Variants in CD40 observed in about 807,000 individuals in gnomAD.
The protein encoded by CD40 is CD40 molecule, also known as tumor necrosis factor receptor superfamily member 5.
Under a neutral mutation model 38.5 loss-of-function variants are expected in CD40, and 19 were observed. The ratio of observed to expected loss-of-function variants is 0.49; its 90% CI spans 0.34 to 0.72. CD40 has a LOEUF of 0.72. CD40 is among the 30% of genes least tolerant of loss of function. The pLI, the probability that CD40 is intolerant of heterozygous loss-of-function variation, is 0.01. For missense variants in CD40, 256 were observed against 344.1 expected (o/e 0.74, Z 2.03); for synonymous variants, 130 against 128.7 (o/e 1.01, Z -0.07).
intron 6 of CD40, among the ~76,000 whole-genome samples, chr20:46,127,464 G>A (rs1264762091): frequency 6.6e-6 from 1 of 152,182 alleles, no homozygotes; most frequent in East Asian, 1.9e-4. Flanking sequence ...GGAATAGGCA[G>A]CCAGCCTGCA....
In CD40 at chr20:46,123,211, T is replaced by C; in HGVS notation, c.489T>C (p.Pro163=). ...NVSSAFEKCH[P]WTSCETKDLV... Reference sequence around the variant, plus strand: ...CATCTGCTTTCGAAAAATGTCACCCTTGGACAAGGTATAAGCACTCATCCC... The same window carrying C: ...CATCTGCTTTCGAAAAATGTCACCCCTGGACAAGGTATAAGCACTCATCCC... Residue 163 remains proline, a synonymous_variant, in exon 5 of 9, where the codon CCT becomes CCC. Coordinates refer to ENST00000372285, the MANE Select transcript of CD40 (RefSeq NM_001250.6). The C allele has an allele frequency of 6.2e-7, 1 of 1,613,278 alleles. No individual in the cohort carries two copies. Among genetic ancestry groups the C allele is most frequent in the Non-Finnish European group, 8.5e-7 (1 of 1,179,158 alleles).
chr20:46,119,112 G>A (rs2145582360), intron 1 of CD40, among the ~76,000 whole-genome samples: 2 of 152,238 alleles, frequency 1.3e-5, no homozygotes, highest in South Asian at 2.1e-4. Flanking sequence ...AGAAACCAGG[G>A]GTTTCTCCAG....
intron 6 of CD40, among the ~76,000 whole-genome samples, chr20:46,127,781 G>A (rs2085466025): frequency 6.6e-6 from 1 of 152,158 alleles, no homozygotes; most frequent in African/African-American, 2.4e-5. Flanking sequence ...GTGGCGGGGA[G>A]CATGGTGAGC....
chr20:46,122,369 T>A lies in CD40; in HGVS notation c.256+11T>A. 1.2e-6 allele frequency: 2 copies of A among 1,614,182 alleles called. No individual in the cohort carries two copies. Among genetic ancestry groups the A allele is most frequent in the Non-Finnish European group, 1.7e-6 (2 of 1,180,024 alleles). ...AATACTGCGACCCCAGTGCGTGCGC[T>A]GTTGGGAAAGGGACGCTTGGGAACC... On this transcript the variant is annotated intron_variant, in intron 3 of 8. Transcript: ENST00000372285. The surrounding 1 kb of genome is among the most constrained non-coding windows in gnomAD (Gnocchi z 5.0).
chr20:46,126,504 G>A (rs1600664063), intron 5 of CD40, 136 bp from the exon 6 acceptor site: 2 of 914,456 alleles, frequency 2.2e-6, no homozygotes, highest in East Asian at 2.6e-5. Flanking sequence ...GACGTTGCAC[G>A]TGTTGTGTGC....
rs1426267920 is a variant in CD40, at chr20:46,122,084, A to G, written c.131-149A>G. On this transcript the variant is annotated intron_variant, in intron 2 of 8. Transcript: ENST00000372285. This position sits in a 1 kb window ranked among gnomAD's most constrained non-coding sequence, Gnocchi z 5.0. ...CTGTCTACCCTGAACTAGGGATCCC[A>G]GCTTCTCCATCTTCCTCGCCTGATT... 6.2e-6 allele frequency: 7 copies of G among 1,126,308 alleles called. No homozygotes were observed. In the East Asian group the frequency reaches 1.2e-4, roughly 19 times the overall value. 69.8% of individuals were successfully genotyped at this position (1,126,308 alleles called of 1,614,324 possible).
chr20:46,121,039 T>C (rs2085307550), intron 1 of CD40, among the ~76,000 whole-genome samples: 1 of 152,212 alleles, frequency 6.6e-6, no homozygotes, highest in Non-Finnish European at 1.5e-5. Context: ...CACTCCAGCC[T>C]GGGCGATGGA....
intron 8 of CD40, chr20:46,128,669 C>T: frequency 1.5e-6 from 1 of 665,334 alleles, no homozygotes; most frequent in South Asian, 1.8e-5. Flanking sequence ...GCAAATGTGG[C>T]AGCCCCTTAA....
At chr20:46,126,828 G>T in intron 6 of CD40, 127 bp downstream of exon 6, 1 of 1,496,172 alleles carries the variant, frequency 6.7e-7, no homozygotes, top group South Asian at 1.2e-5. Context: ...TGGTATCACA[G>T]CTCTGCCACT....
In CD40 at chr20:46,123,133, G is replaced by C; in HGVS notation, c.411G>C (p.Gly137=). 1 of 1,613,780 alleles carries C rather than the reference G, an allele frequency of 6.2e-7. No homozygotes were observed. The highest frequency in any genetic ancestry group is 1.1e-5 in the South Asian group (1 of 91,080). The change falls in exon 5 of 9, where the codon GGG becomes GGC. Residue 137 remains glycine (G), a synonymous_variant. Transcript: ENST00000372285. ...PGFGVKQIAT[G]VSDTICEPCP... is the part of the protein sequence containing the mutation. The stretch of plus-strand genomic sequence containing the variant: ...CTCCCCACCCACTCCCAGCTACAGG[G>C]GTTTCTGATACCATCTGCGAGCCCT...
In CD40 at chr20:46,122,310, A is replaced by G. The variant is rs2145592034; in HGVS notation, c.208A>G (p.Thr70Ala). 4 of 1,614,092 alleles carry G rather than the reference A, an allele frequency of 2.5e-6. No individual in the cohort carries two copies. Among genetic ancestry groups the G allele is most frequent in the Non-Finnish European group, 3.4e-6 (4 of 1,180,024 alleles). The change falls in exon 3 of 9, where the codon ACC becomes GCC. Residue 70 changes from threonine to alanine, a missense_variant. Thr to Ala is a moderately conservative substitution (Grantham distance 58). Coordinates refer to ENST00000372285, the MANE Select transcript of CD40 (RefSeq NM_001250.6). This position sits in a 1 kb window ranked among gnomAD's most constrained non-coding sequence, Gnocchi z 5.0. ...LPCGESEFLD[T>A]WNRETHCHQH... ...TTGCGGTGAAAGCGAATTCCTAGAC[A>G]CCTGGAACAGAGAGACACACTGCCA...
In CD40 at chr20:46,122,750, C is replaced by G. The variant is rs1460849632; in HGVS notation, c.397C>G (p.Gln133Glu). Residue 133 changes from glutamine (Q) to glutamate (E), a missense_variant, in exon 4 of 9, where the codon CAG becomes GAG. By Grantham distance (29) the Gln-to-Glu change is conservative. Transcript: ENST00000372285. This position sits in a 1 kb window ranked among gnomAD's most constrained non-coding sequence, Gnocchi z 5.0. ...ATGCTCGCCCGGCTTTGGGGTCAAG[C>G]AGATTGGTAAGTGGCTCATCTGGGA... ...RSCSPGFGVKQIATGVSDTIC... is the reference protein window; with the variant it reads ...RSCSPGFGVKEIATGVSDTIC... The G allele has an allele frequency of 6.2e-7, 1 of 1,614,052 alleles. No homozygotes were observed. The highest frequency in any genetic ancestry group is 1.3e-5 in the African/African-American group (1 of 75,008).
At position 46,124,969 on chromosome 20, in the gene CD40, G is replaced by A. The variant is rs11569324; in HGVS notation, c.498-1671G>A. ...TTTTTAGTAGAGACGGCGTTTCACC[G>A]TGTTAGCCAGGATGGTCTTGATCTC... On this transcript the variant is annotated intron_variant, in intron 5 of 8. Coordinates refer to ENST00000372285, the MANE Select transcript of CD40 (RefSeq NM_001250.6). Among the ~76,000 whole-genome samples the A allele has an allele frequency of 4.4e-3, 661 of 151,398 alleles. 3 individuals are homozygous for A. Among genetic ancestry groups the A allele is most frequent in the African/African-American group, 0.015 (618 of 41,310 alleles).
At position 46,122,871 on chromosome 20, in the gene CD40, A is replaced by G. The variant is rs2085347232; in HGVS notation, c.403+115A>G. The G allele has an allele frequency of 4.4e-6, 6 of 1,355,548 alleles. No individual in the cohort carries two copies. Among genetic ancestry groups the G allele is most frequent in the Admixed American group, 2.0e-5 (1 of 50,018 alleles). 84.0% of individuals were successfully genotyped at this position (1,355,548 alleles called of 1,614,324 possible). A position where few individuals can be genotyped will look rare whatever the true frequency, so the allele number is the denominator to read the frequency against. On this transcript the variant is annotated intron_variant, in intron 4 of 8. Transcript: ENST00000372285. The surrounding 1 kb of genome is among the most constrained non-coding windows in gnomAD (Gnocchi z 5.0). ...AGAGGCAGAGGAAGCAGAGGCTCCA[A>G]CCTATGTCGGTATCCCCACTGGAGT...
rs1000637688 is a variant in CD40 at position 46,123,020 on chromosome 20, G to A, written c.404-106G>A. 6 of 980,804 alleles carry A rather than the reference G, an allele frequency of 6.1e-6. No individual in the cohort carries two copies. The African/African-American group carries it at 9.6e-5, about 16-fold the overall frequency. The allele number at this position is 980,804 out of a possible 1,614,324, so 60.8% of individuals were successfully genotyped here. On this transcript the variant is annotated intron_variant, in intron 4 of 8. Transcript: ENST00000372285. ...GGCAGTACCACATCGGGGGAAGAGT[G>A]CTCAAGGCAGGAGCTCTTCCCGTCC...
rs1280779222 is a variant in CD40, at chr20:46,122,846, A to G, written c.403+90A>G. The G allele has an allele frequency of 1.3e-6, 2 of 1,519,044 alleles. No homozygotes were observed. The highest frequency in any genetic ancestry group is 1.8e-6 in the Non-Finnish European group (2 of 1,107,382). 94.1% of individuals were successfully genotyped at this position (1,519,044 alleles called of 1,614,324 possible). On this transcript the variant is annotated intron_variant, in intron 4 of 8. Transcript: ENST00000372285. This position sits in a 1 kb window ranked among gnomAD's most constrained non-coding sequence, Gnocchi z 5.0. ...GGCTGGGCAGTGGGCACTTAGCCCC[A>G]GAGGCAGAGGAAGCAGAGGCTCCAA...
At position 46,122,142 on chromosome 20, in the gene CD40, C is replaced by T; in HGVS notation, c.131-91C>T. On this transcript the variant is annotated intron_variant, in intron 2 of 8. Coordinates refer to ENST00000372285, the MANE Select transcript of CD40 (RefSeq NM_001250.6). The surrounding 1 kb of genome is among the most constrained non-coding windows in gnomAD (Gnocchi z 5.0). ...ATCCAAGACTTTCATCTTTGAATCC[C>T]CTACCCTAAAGCCTGGCCTGATCAT... The T allele has an allele frequency of 6.6e-7, 1 of 1,504,298 alleles. No homozygotes were observed. The highest frequency in any genetic ancestry group is 9.3e-7 in the Non-Finnish European group (1 of 1,080,998). 93.2% of individuals were successfully genotyped at this position (1,504,298 alleles called of 1,614,324 possible). A position where few individuals can be genotyped will look rare whatever the true frequency, so the allele number is the denominator to read the frequency against.
At chr20:46,127,205 A>G (rs2085455080) in intron 6 of CD40, 1 of 165,722 alleles carries the variant, frequency 6.0e-6, no homozygotes, top group African/African-American at 2.4e-5. Context: ...TCCTCTTTGT[A>G]GGGCTGGGAC....
chr20:46,122,837 C>T lies in CD40; in HGVS notation c.403+81C>T. The stretch of plus-strand genomic sequence containing the variant: ...AAGGTGAGGGGCTGGGCAGTGGGCA[C>T]TTAGCCCCAGAGGCAGAGGAAGCAG... On this transcript the variant is annotated intron_variant, in intron 4 of 8. Coordinates refer to ENST00000372285, the MANE Select transcript of CD40 (RefSeq NM_001250.6). The surrounding 1 kb of genome is among the most constrained non-coding windows in gnomAD (Gnocchi z 5.0). The T allele has an allele frequency of 6.4e-7, 1 of 1,562,922 alleles. No individual in the cohort carries two copies. Among genetic ancestry groups the T allele is most frequent in the Non-Finnish European group, 8.8e-7 (1 of 1,141,874 alleles).
Sources: gnomAD v4.1 joint callset for allele counts (sites outside exome capture counted in the v4.1 genomes callset) on GRCh38, gnomAD v4.1.1 for gene constraint, Gnocchi (gnomAD v3.1) non-coding constraint, MANE v1.5 for transcripts, NCBI Gene and HGNC (gene_info 2026-07-23, HGNC 2026-07-21) for gene names.